Variants in U2SURP observed in about 807,000 individuals in gnomAD.
U2SURP encodes U2 snRNP-associated SURP motif-containing protein.
Under a neutral mutation model 144.9 loss-of-function variants are expected in U2SURP, and 9 were observed. The ratio of observed to expected loss-of-function variants is 0.06; its 90% CI spans 0.04 to 0.11. The LOEUF is 0.11. Among genes scored for constraint, U2SURP ranks in the 10% least tolerant of loss-of-function variants. The pLI is 1.00. For synonymous variants in U2SURP, 408 were observed against 396.8 expected, an observed-to-expected ratio of 1.03 and a Z score of -0.33; for missense variants, 724 against 1,226.7, an observed-to-expected ratio of 0.59 and a Z score of 6.12.
intron 8 of U2SURP, among the ~76,000 whole-genome samples, chr3:143,021,018 C>A (rs1042424935): frequency 6.6e-6 from 1 of 152,042 alleles, no homozygotes; most frequent in African/African-American, 2.4e-5. Context: ...ATGATGAAAC[C>A]CTGTCTGTAC....
rs1933916679 is a variant in U2SURP at position 143,038,250 on chromosome 3, TTAA to T, written c.2317+49_2317+51del. The T allele has an allele frequency of 7.3e-6, 10 of 1,372,000 alleles. 1 individual carries two copies. Among genetic ancestry groups the T allele is most frequent in the Non-Finnish European group, 9.9e-6 (10 of 1,007,272 alleles). The allele number at this position is 1,372,000 out of a possible 1,614,324, so 85.0% of individuals were successfully genotyped here. ...ATTTTTTAAATTAAGTACTTGTACG[TTAA>T]TTATTGGTGTGCTTGTATATATGTT... is the stretch of plus-strand genomic sequence containing the variant. On this transcript the variant is annotated intron_variant, in intron 22 of 27. Transcript: ENST00000473835.
intron 24 of U2SURP, among the ~76,000 whole-genome samples, chr3:143,046,126 A>G (rs919731631): frequency 6.6e-6 from 1 of 152,036 alleles, no homozygotes; most frequent in African/African-American, 2.4e-5. Flanking sequence ...CGTGTGTCCT[A>G]ATAAAGATAC....
intron 27 of U2SURP, among the ~76,000 whole-genome samples, chr3:143,055,545 G>A (rs1260331617): frequency 6.6e-6 from 1 of 152,024 alleles, no homozygotes; most frequent in Admixed American, 6.6e-5. Context: ...TTTTCAGTAT[G>A]TATTTTAGTA....
chr3:143,025,477 A>G (rs1213589348), intron 13 of U2SURP, among the ~76,000 whole-genome samples: 1 of 152,168 alleles, frequency 6.6e-6, no homozygotes, highest in Non-Finnish European at 1.5e-5. Context: ...ACATTTGTCC[A>G]CCTAGTAATT....
At chr3:143,037,366 A>G (rs1933867764) in intron 21 of U2SURP, 31 bp downstream of exon 21, 1 of 1,598,958 alleles carries the variant, frequency 6.3e-7, no homozygotes, top group African/African-American at 1.3e-5. Context: ...GATTAAATCT[A>G]GCTAATACAT....
At chr3:143,033,000 G>C in intron 17 of U2SURP, 54 bp downstream of exon 17, 6 of 1,569,226 alleles carry the variant, frequency 3.8e-6, no homozygotes, top group Non-Finnish European at 5.2e-6. Flanking sequence ...TTTGGGATTA[G>C]AATTGGTTTC....
intron 23 of U2SURP, among the ~76,000 whole-genome samples, chr3:143,042,172 T>TGG (rs1295741188): frequency 2.0e-5 from 3 of 152,118 alleles, no homozygotes; most frequent in Admixed American, 6.5e-5. Flanking sequence ...CTAAGTGACT[T>TGG]ACTCATGATA....
intron 1 of U2SURP, among the ~76,000 whole-genome samples, chr3:143,010,056 G>A (rs1243942118): frequency 6.6e-6 from 1 of 152,206 alleles, no homozygotes; most frequent in Non-Finnish European, 1.5e-5. Flanking sequence ...AATTCTTGGA[G>A]AATCTTTCTT....
At chr3:143,027,765 C>T (rs534221204) in intron 14 of U2SURP, among the ~76,000 whole-genome samples, 7 of 152,166 alleles carry the variant, frequency 4.6e-5, no homozygotes, top group South Asian at 4.1e-4. Context: ...AGTTCTGCAA[C>T]GGGATGGGAA....
intron 25 of U2SURP, among the ~76,000 whole-genome samples, chr3:143,052,142 T>G (rs1934905073): frequency 6.6e-6 from 1 of 152,190 alleles, no homozygotes; most frequent in Non-Finnish European, 1.5e-5. Flanking sequence ...ATCCCAGCAC[T>G]TCGGGAGGCC....
chr3:143,020,496 G>T, intron 7 of U2SURP, 103 bp from the exon 8 acceptor site: 1 of 780,944 alleles, frequency 1.3e-6, no homozygotes. Context: ...TTTAATTACA[G>T]ATATTTCTAG....
chr3:143,012,375 T>G, intron 3 of U2SURP, 22 bp downstream of exon 3: 1 of 1,582,680 alleles, frequency 6.3e-7, no homozygotes, highest in South Asian at 1.2e-5. Flanking sequence ...TAAGATAAGG[T>G]AAAGATAAGA....
intron 13 of U2SURP, among the ~76,000 whole-genome samples, chr3:143,024,732 T>C (rs1221837863): frequency 6.6e-6 from 1 of 152,180 alleles, no homozygotes; most frequent in Non-Finnish European, 1.5e-5. Flanking sequence ...CTCTTTGACA[T>C]TGGCCTTGGT....
chr3:143,048,180 A>G (rs1404678555), intron 24 of U2SURP, among the ~76,000 whole-genome samples: 2 of 152,196 alleles, frequency 1.3e-5, no homozygotes, highest in African/African-American at 4.8e-5. Flanking sequence ...TTAAGAAGCC[A>G]TTGCATGGGC....
At chr3:143,007,179 C>T (rs1935877707) in intron 1 of U2SURP, among the ~76,000 whole-genome samples, 1 of 152,200 alleles carries the variant, frequency 6.6e-6, no homozygotes, top group Admixed American at 6.5e-5. Context: ...TTTCTACTGT[C>T]TGCTTTCTCT....
intron 22 of U2SURP, among the ~76,000 whole-genome samples, chr3:143,038,557 G>A (rs1234655984): frequency 6.6e-6 from 1 of 152,034 alleles, no homozygotes; most frequent in Non-Finnish European, 1.5e-5. Flanking sequence ...AGACTGATTA[G>A]ATGCAATTTA....
intron 1 of U2SURP, 112 bp downstream of exon 1, chr3:143,001,785 C>T (rs550425430): frequency 2.8e-6 from 4 of 1,408,010 alleles, no homozygotes; most frequent in Non-Finnish European, 3.9e-6. Context: ...ATTCTAGTCG[C>T]GACGGTAGGC....
At chr3:143,014,797 TC>T (rs1936282191) in intron 4 of U2SURP, among the ~76,000 whole-genome samples, 1 of 152,100 alleles carries the variant, frequency 6.6e-6, no homozygotes, top group African/African-American at 2.4e-5. Flanking sequence ...ATAGAAATAC[TC>T]CTTATTCATT....
Position 143,056,481 on chromosome 3 carries a change from G to A in U2SURP, c.*31G>A. ...ATTTTTAAGATGCTGTCACTTATTG[G>A]AAATGCGATTTGTTTTGTGCCTGAA... On this transcript the variant is annotated 3_prime_UTR_variant, in exon 28 of 28. Transcript: ENST00000473835. 1 of 1,606,174 alleles carries A rather than the reference G, an allele frequency of 6.2e-7. No individual in the cohort carries two copies. Among genetic ancestry groups the A allele is most frequent in the East Asian group, 2.2e-5 (1 of 44,816 alleles).
Sources: allele counts gnomAD v4.1 joint callset (sites outside exome capture counted in the v4.1 genomes callset), GRCh38; gene constraint gnomAD v4.1.1; transcripts MANE v1.5; gene names NCBI Gene and HGNC (gene_info 2026-07-23, HGNC 2026-07-21).